ACADM: variants seen among roughly 807,000 people sequenced by gnomAD.
ACADM encodes acyl-CoA dehydrogenase medium chain, also known as medium-chain specific acyl-CoA dehydrogenase, mitochondrial.
ACADM carries 49 observed loss-of-function variants against 58.9 expected under a neutral mutation model. The observed-to-expected ratio is 0.83, with a 90% CI of 0.66 to 1.06. The LOEUF is 1.06. Ranked by LOEUF, ACADM falls within the 50% of genes least tolerant of loss-of-function variation. The probability of loss-of-function intolerance (pLI) is 0.00; values close to 1 mark genes in which losing one functional copy is unlikely to be tolerated. For missense variants in ACADM, 496 were observed against 507.0 expected (o/e 0.98, Z 0.21); for synonymous variants, 160 against 157.7 (o/e 1.01, Z -0.11).
At chr1:75,760,303 G>A (rs1271718294) in intron 10 of ACADM, among the ~76,000 whole-genome samples, 1 of 136,726 alleles carries the variant, frequency 7.3e-6, no homozygotes, top group Non-Finnish European at 1.6e-5. Flanking sequence ...GGTGGCACAC[G>A]CCCAGCTACT....
At chr1:75,745,547 G>T in intron 7 of ACADM, 3 of 485,092 alleles carry the variant, frequency 6.2e-6, no homozygotes, top group Non-Finnish European at 7.5e-6. Context: ...ACTGTACTGC[G>T]GGTAACTGAA....
At chr1:75,734,438 G>A (rs1647205855) in intron 5 of ACADM, among the ~76,000 whole-genome samples, 1 of 151,364 alleles carries the variant, frequency 6.6e-6, no homozygotes, top group Non-Finnish European at 1.5e-5. Context: ...GCCTCCCAAA[G>A]TGCTGGGATT....
intron 7 of ACADM, chr1:75,744,534 A>G: frequency 6.6e-7 from 1 of 1,506,770 alleles, no homozygotes; most frequent in Non-Finnish European, 9.2e-7. Context: ...CCTCTGTGAC[A>G]GGTTCTGCAA....
At chr1:75,736,543 T>TGGAGAGC (rs1167907335) in intron 6 of ACADM, among the ~76,000 whole-genome samples, 1 of 152,188 alleles carries the variant, frequency 6.6e-6, no homozygotes, top group African/African-American at 2.4e-5. Flanking sequence ...CTGTAGCATA[T>TGGAGAGC]ACAGTCAGCT....
intron 7 of ACADM, chr1:75,744,401 G>A: frequency 6.6e-7 from 1 of 1,516,100 alleles, no homozygotes; most frequent in Non-Finnish European, 9.2e-7. Context: ...GGTACGAAAA[G>A]AGCTTCAATC....
chr1:75,753,314 C>T (rs1648306837), intron 10 of ACADM, among the ~76,000 whole-genome samples: 1 of 152,098 alleles, frequency 6.6e-6, no homozygotes, highest in African/African-American at 2.4e-5. Flanking sequence ...TCCTGCTGAG[C>T]CCAAATCTGA....
At chr1:75,743,613 G>T (rs1557453213) in intron 7 of ACADM, 2 of 1,559,972 alleles carry the variant, frequency 1.3e-6, no homozygotes, top group African/African-American at 1.4e-5. Flanking sequence ...TGGCAGACAG[G>T]GGGGTTGATA....
intron 6 of ACADM, 44 bp from the exon 7 acceptor site, chr1:75,739,936 T>C (rs2100389260): frequency 6.9e-7 from 1 of 1,453,256 alleles, no homozygotes; most frequent in East Asian, 2.4e-5. Context: ...CAAAATTTAA[T>C]CACTAACATT....
At chr1:75,752,742 T>C (rs1648275308) in intron 10 of ACADM, among the ~76,000 whole-genome samples, 1 of 152,218 alleles carries the variant, frequency 6.6e-6, no homozygotes, top group Non-Finnish European at 1.5e-5. Context: ...TTTTGTTATC[T>C]TCAATTCTTT....
rs1196379476 is a variant in ACADM, at chr1:75,740,163, A to T, written c.599+53A>T. On this transcript the variant is annotated intron_variant, in intron 7 of 11. Coordinates refer to ENST00000370841, the MANE Select transcript of ACADM (RefSeq NM_000016.6). The stretch of plus-strand genomic sequence containing the variant: ...TTTTTTCTTAATTGTTTTATCTTCA[A>T]ATCTCTCTTTCTTTCTGTATATTTT... The T allele has an allele frequency of 2.0e-5, 30 of 1,523,160 alleles. No individual in the cohort carries two copies. The East Asian group carries it at 5.4e-4, about 27-fold the overall frequency. The allele number at this position is 1,523,160 out of a possible 1,614,324, so 94.4% of individuals were successfully genotyped here.
chr1:75,763,317 TATTTA>T lies in ACADM; in HGVS notation c.*558_*562del, dbSNP rs1389803886. On this transcript the variant is annotated 3_prime_UTR_variant, in exon 12 of 12. Coordinates refer to ENST00000370841, the MANE Select transcript of ACADM (RefSeq NM_000016.6). Reference sequence around the variant, plus strand: ...GCTACAAGAACTTTCTTGAAAATCTTATTTAATTCTGAGCCCATATTTCACTTACC... The same window carrying T: ...GCTACAAGAACTTTCTTGAAAATCTTATTCTGAGCCCATATTTCACTTACC... The T allele has an allele frequency of 1.3e-5, 2 of 152,142 alleles. No individual in the cohort carries two copies. The highest frequency in any genetic ancestry group is 2.9e-5 in the Non-Finnish European group (2 of 68,070). The allele number at this position is 152,142 out of a possible 1,614,324, so 9.4% of individuals were successfully genotyped here. A position where few individuals can be genotyped will look rare whatever the true frequency, so the allele number is the denominator to read the frequency against.
In ACADM at chr1:75,737,290, A is replaced by ACATATATG. The variant is rs1557448393; in HGVS notation, c.468+2419_468+2420insCATATATG. ...CACACACACACACAAATATATATAT[A>ACATATATG]TATATATATATATATATATATATAT... On this transcript the variant is annotated intron_variant, in intron 6 of 11. Transcript: ENST00000370841. Among the ~76,000 whole-genome samples, 36 of 78,224 alleles carry ACATATATG rather than the reference A, an allele frequency of 4.6e-4. 1 individual carries two copies. The highest frequency in any genetic ancestry group is 8.3e-4 in the Non-Finnish European group (32 of 38,676). 51.3% of individuals were successfully genotyped at this position (78,224 alleles called of 152,430 possible).
intron 7 of ACADM, among the ~76,000 whole-genome samples, chr1:75,742,803 C>T (rs1146578): frequency 0.019 from 2,820 of 152,282 alleles, 81 homozygotes; most frequent in African/African-American, 0.065. Context: ...CCTCTGCTCT[C>T]TCCTCCCATT....
chr1:75,730,865 C>G (rs1054692687), intron 2 of ACADM, among the ~76,000 whole-genome samples: 3 of 152,114 alleles, frequency 2.0e-5, no homozygotes, highest in African/African-American at 7.2e-5. Context: ...TTGCTATCAA[C>G]TGGCACCAAT....
At chr1:75,751,273 G>C (rs1648187134) in intron 10 of ACADM, among the ~76,000 whole-genome samples, 1 of 151,392 alleles carries the variant, frequency 6.6e-6, no homozygotes, top group Non-Finnish European at 1.5e-5. Flanking sequence ...CCAGGAGGCA[G>C]AGCTTGCAGT....
At chr1:75,732,817 T>G in intron 3 of ACADM, 36 bp from the exon 4 acceptor site, 1 of 1,608,078 alleles carries the variant, frequency 6.2e-7, no homozygotes, top group Non-Finnish European at 8.5e-7. Flanking sequence ...TATCTGGATT[T>G]CAAAATATAT....
chr1:75,752,074 T>C (rs1648238245), intron 10 of ACADM, among the ~76,000 whole-genome samples: 1 of 151,374 alleles, frequency 6.6e-6, no homozygotes, highest in Admixed American at 6.6e-5. Flanking sequence ...TTGCAGCCTC[T>C]TGGGATCAAG....
chr1:75,732,203 A>C (rs1293017024), intron 2 of ACADM, among the ~76,000 whole-genome samples: 1 of 151,970 alleles, frequency 6.6e-6, no homozygotes. Flanking sequence ...ACTTTGAAAT[A>C]AGTTTTATTG....
At chr1:75,745,531 A>ATG (rs150422765) in intron 7 of ACADM, 3 of 295,186 alleles carry the variant, frequency 1.0e-5, no homozygotes, top group Non-Finnish European at 1.7e-5. Context: ...TCAAAATATC[A>ATG]TATATACTGT....
Sources: allele counts gnomAD v4.1 joint callset (sites outside exome capture counted in the v4.1 genomes callset), GRCh38; gene constraint gnomAD v4.1.1; transcripts MANE v1.5; gene names NCBI Gene and HGNC (gene_info 2026-07-23, HGNC 2026-07-21).